The following NRG1 variants were observed in gnomAD, a reference collection of about 807,000 sequenced individuals.
NRG1 encodes the protein pro-neuregulin-1, membrane-bound isoform.
A neutral mutation model predicts 63.8 loss-of-function variants in NRG1; 18 were observed. That is an observed-to-expected ratio of 0.28 (90% CI 0.19 to 0.42). NRG1 has a LOEUF of 0.42. NRG1 is among the 10% of genes least tolerant of loss of function. The pLI is 1.00. For synonymous variants in NRG1, 302 were observed against 301.3 expected (o/e 1.00, Z -0.02); for missense variants, 762 against 814.7 (o/e 0.94, Z 0.79).
At chr8:32,284,623 C>T (rs542900250) in intron 1 of NRG1, among the ~76,000 whole-genome samples, 1 of 152,088 alleles carries the variant, frequency 6.6e-6, no homozygotes, top group Admixed American at 6.6e-5. Context: ...CTCGGCCTTC[C>T]AGGCTCAAGT....
chr8:32,246,666 G>A (rs141861351), intron 1 of NRG1, among the ~76,000 whole-genome samples: 1 of 152,266 alleles, frequency 6.6e-6, no homozygotes, highest in African/African-American at 2.4e-5. Flanking sequence ...CGTGAAAGAT[G>A]TAAGGAGTGT....
chr8:31,868,639 C>G (rs1328942918), intron 1 of NRG1, among the ~76,000 whole-genome samples: 3 of 152,192 alleles, frequency 2.0e-5, no homozygotes, highest in Non-Finnish European at 4.4e-5. Flanking sequence ...ATTCGCTCTT[C>G]TTTACCATTT....
At chr8:32,260,727 G>C (rs894696409) in intron 1 of NRG1, among the ~76,000 whole-genome samples, 3 of 152,152 alleles carry the variant, frequency 2.0e-5, no homozygotes, top group Admixed American at 2.0e-4. Context: ...AGGATGGCTA[G>C]CAAAAGGAAA....
chr8:32,201,387 C>A (rs2881542), intron 1 of NRG1, among the ~76,000 whole-genome samples: 7,054 of 152,216 alleles, frequency 0.046, 241 homozygotes, highest in Middle Eastern at 0.099. Flanking sequence ...CTAGATAGTA[C>A]AAAATTTCCT....
intron 1 of NRG1, among the ~76,000 whole-genome samples, chr8:32,101,350 T>G (rs1343614711): frequency 6.6e-6 from 1 of 152,104 alleles, no homozygotes; most frequent in Non-Finnish European, 1.5e-5. Flanking sequence ...ATGCCTTGCA[T>G]GCACACAAAG....
intron 5 of NRG1, among the ~76,000 whole-genome samples, chr8:32,695,211 C>T (rs1428651200): frequency 2.6e-5 from 4 of 151,964 alleles, no homozygotes; most frequent in African/African-American, 7.3e-5. Context: ...GATGGTGGCG[C>T]ATATCTGTAA....
At chr8:32,378,910 GT>G (rs1279248783) in intron 1 of NRG1, among the ~76,000 whole-genome samples, 1 of 151,796 alleles carries the variant, frequency 6.6e-6, no homozygotes, top group African/African-American at 2.4e-5. Flanking sequence ...GAGAATGATG[GT>G]TTCCAGTTTC....
In NRG1 at chr8:32,742,122, A is replaced by C. The variant is rs750673319; in HGVS notation, c.633-553A>C. ...TTTGCTTTCTCCCCCAACTACAGCA[A>C]CAATCACTACCACTTGGTGCTTTTA... On this transcript the variant is annotated intron_variant, in intron 6 of 11. Transcript: ENST00000356819. This position sits in a 1 kb window ranked among gnomAD's most constrained non-coding sequence, Gnocchi z 4.2. 8.4e-6 allele frequency: 12 copies of C among 1,420,146 alleles called. No homozygotes were observed. The highest frequency in any genetic ancestry group is 1.2e-5 in the Non-Finnish European group (12 of 1,003,848). 88.0% of individuals were successfully genotyped at this position (1,420,146 alleles called of 1,614,324 possible).
At chr8:31,753,218 A>G (rs917421882) in intron 1 of NRG1, among the ~76,000 whole-genome samples, 1 of 152,092 alleles carries the variant, frequency 6.6e-6, no homozygotes, top group Non-Finnish European at 1.5e-5. Flanking sequence ...AAGTAGATTT[A>G]TCATATTCTA....
At chr8:32,334,181 T>C (rs1261318732) in intron 1 of NRG1, among the ~76,000 whole-genome samples, 1 of 152,220 alleles carries the variant, frequency 6.6e-6, no homozygotes, top group Non-Finnish European at 1.5e-5. Context: ...CCTTTTCATC[T>C]TTTTCACTGC....
upstream of NRG1, among the ~76,000 whole-genome samples, chr8:32,544,071 A>G (rs1832824237): frequency 6.6e-6 from 1 of 152,164 alleles, no homozygotes; most frequent in South Asian, 2.1e-4. Flanking sequence ...TTGCTTGTTA[A>G]TGTCTCCTAT....
intron 1 of NRG1, among the ~76,000 whole-genome samples, chr8:32,186,268 C>T (rs1465184585): frequency 6.6e-6 from 1 of 151,950 alleles, no homozygotes; most frequent in Admixed American, 6.6e-5. Flanking sequence ...TCGAGACCAT[C>T]CTGGCTAACA....
chr8:31,913,613 C>T (rs1585706737), intron 1 of NRG1, among the ~76,000 whole-genome samples: 1 of 152,192 alleles, frequency 6.6e-6, no homozygotes, highest in South Asian at 2.1e-4. Context: ...CTGGAGAAGA[C>T]AAAGATGCAA....
intron 1 of NRG1, among the ~76,000 whole-genome samples, chr8:32,268,425 G>A (rs1347189020): frequency 6.6e-6 from 1 of 152,222 alleles, no homozygotes; most frequent in African/African-American, 2.4e-5. Context: ...TTGTTTTCCA[G>A]TGATATCCAT....
intron 1 of NRG1, among the ~76,000 whole-genome samples, chr8:31,729,869 C>T (rs1813840625): frequency 6.6e-6 from 1 of 152,080 alleles, no homozygotes; most frequent in Non-Finnish European, 1.5e-5. Context: ...ATAGCCAACT[C>T]TAAGAGAAAA....
At chr8:32,459,996 C>T (rs73577969) in intron 1 of NRG1, among the ~76,000 whole-genome samples, 5,994 of 152,276 alleles carry the variant, frequency 0.039, 156 homozygotes, top group African/African-American at 0.078. Context: ...TAATGTTGTG[C>T]AGAACACTTA....
At chr8:31,840,734 T>C (rs1197246360) in intron 1 of NRG1, among the ~76,000 whole-genome samples, 1 of 152,200 alleles carries the variant, frequency 6.6e-6, no homozygotes, top group African/African-American at 2.4e-5. Flanking sequence ...TACATAATTA[T>C]ATCAGTGGAT....
intron 1 of NRG1, among the ~76,000 whole-genome samples, chr8:31,835,278 G>A (rs1305963280): frequency 6.6e-6 from 1 of 152,186 alleles, no homozygotes; most frequent in African/African-American, 2.4e-5. Flanking sequence ...AGGGTTGCCT[G>A]CCTCTAAAGT....
At chr8:31,802,102 T>A (rs1821846474) in intron 1 of NRG1, among the ~76,000 whole-genome samples, 1 of 152,230 alleles carries the variant, frequency 6.6e-6, no homozygotes, top group Admixed American at 6.5e-5. Context: ...CCAACAGAAA[T>A]TTGTGCTTCA....
Sources: allele counts gnomAD v4.1 joint callset (sites outside exome capture counted in the v4.1 genomes callset), GRCh38; gene constraint gnomAD v4.1.1; non-coding constraint Gnocchi (gnomAD v3.1); transcripts MANE v1.5; gene names NCBI Gene and HGNC (gene_info 2026-07-23, HGNC 2026-07-21).